The following NXN variants were observed in gnomAD, a reference collection of about 807,000 sequenced individuals.
NXN encodes nucleoredoxin.
In NXN, 16 loss-of-function variants were observed where a neutral mutation model predicts 48.6. The observed-to-expected ratio is 0.33, with a 90% CI of 0.22 to 0.50. The LOEUF is 0.50. NXN is among the 20% of genes least tolerant of loss of function. The pLI is 0.98. For synonymous variants in NXN, 281 were observed against 269.6 expected, an observed-to-expected ratio of 1.04 and a Z score of -0.41; for missense variants, 492 against 605.5, an observed-to-expected ratio of 0.81 and a Z score of 1.97.
At chr17:885,194 T>C (rs966158673) in intron 1 of NXN, among the ~76,000 whole-genome samples, 2 of 152,184 alleles carry the variant, frequency 1.3e-5, no homozygotes, top group Admixed American at 1.3e-4. Flanking sequence ...CCGGTCGCAG[T>C]GGCTCACGCC....
intron 1 of NXN, among the ~76,000 whole-genome samples, chr17:923,941 T>C (rs1238886153): frequency 2.0e-5 from 3 of 152,212 alleles, no homozygotes; most frequent in Non-Finnish European, 4.4e-5. Context: ...AACCCCACTT[T>C]TGTATTTTTT....
At chr17:924,173 T>A (rs1169815435) in intron 1 of NXN, among the ~76,000 whole-genome samples, 1 of 152,138 alleles carries the variant, frequency 6.6e-6, no homozygotes, top group Non-Finnish European at 1.5e-5. Context: ...ATCCTGCATA[T>A]CTGGGACCAC....
intron 1 of NXN, among the ~76,000 whole-genome samples, chr17:885,131 CATCATG>C (rs1281801532): frequency 1.3e-5 from 2 of 152,198 alleles, no homozygotes; most frequent in Non-Finnish European, 2.9e-5. Flanking sequence ...TGACATGTCC[CATCATG>C]ATCAGTCAAG....
chr17:828,264 C>T (rs1316857564), intron 1 of NXN, among the ~76,000 whole-genome samples: 3 of 151,754 alleles, frequency 2.0e-5, no homozygotes, highest in Non-Finnish European at 4.4e-5. Context: ...CTACCACACC[C>T]GGCTAGTTTT....
intron 7 of NXN, among the ~76,000 whole-genome samples, chr17:802,784 T>C (rs967976937): frequency 1.3e-5 from 2 of 152,000 alleles, no homozygotes; most frequent in African/African-American, 4.8e-5. Flanking sequence ...AGGTGATGAA[T>C]GGGTGGCACA....
intron 1 of NXN, among the ~76,000 whole-genome samples, chr17:835,795 G>GC (rs540801818): frequency 0.018 from 124 of 6,848 alleles, 3 homozygotes; most frequent in East Asian, 0.071. Context: ...GGATTCGTCA[G>GC]CCTCATAGAG....
At chr17:863,456 C>A (rs2068062165) in intron 1 of NXN, among the ~76,000 whole-genome samples, 1 of 151,256 alleles carries the variant, frequency 6.6e-6, no homozygotes, top group Non-Finnish European at 1.5e-5. Context: ...TGTGAGCCAC[C>A]ACGCTCAGCC....
intron 1 of NXN, among the ~76,000 whole-genome samples, chr17:850,943 C>T (rs563096694): frequency 6.6e-6 from 1 of 152,284 alleles, no homozygotes; most frequent in East Asian, 1.9e-4. Flanking sequence ...CCTTCTCCTC[C>T]AGGACAGAAA....
intron 5 of NXN, among the ~76,000 whole-genome samples, chr17:810,853 C>T (rs1416555436): frequency 6.6e-6 from 1 of 152,040 alleles, no homozygotes; most frequent in Non-Finnish European, 1.5e-5. Flanking sequence ...CTTGCCACTG[C>T]ACTCCAGCCT....
At chr17:803,557 C>A in intron 7 of NXN, 125 bp downstream of exon 7, 1 of 1,186,714 alleles carries the variant, frequency 8.4e-7, no homozygotes, top group Non-Finnish European at 1.2e-6. Flanking sequence ...TGTCTGTGGG[C>A]TCTCTCAGAA....
At chr17:877,679 T>G (rs1321220523) in intron 1 of NXN, among the ~76,000 whole-genome samples, 1 of 152,162 alleles carries the variant, frequency 6.6e-6, no homozygotes, top group Non-Finnish European at 1.5e-5. Context: ...CTTAGAACAA[T>G]GTCTGGGGCA....
At chr17:806,554 C>T (rs980488266) in intron 5 of NXN, among the ~76,000 whole-genome samples, 1 of 152,088 alleles carries the variant, frequency 6.6e-6, no homozygotes, top group Non-Finnish European at 1.5e-5. Flanking sequence ...CTTTGTCTCT[C>T]CACTGGCAGC....
At chr17:801,406 T>G (rs939638878) in intron 7 of NXN, among the ~76,000 whole-genome samples, 2 of 151,470 alleles carry the variant, frequency 1.3e-5, no homozygotes, top group Non-Finnish European at 2.9e-5. Context: ...ATCAACACCA[T>G]TTTAATACGT....
At chr17:843,002 AAGAG>A (rs796094572) in intron 1 of NXN, among the ~76,000 whole-genome samples, 15,008 of 93,396 alleles carry the variant, frequency 0.16, 829 homozygotes, top group Middle Eastern at 0.21. Flanking sequence ...GAAAGAGAGA[AAGAG>A]AGAAAGAAAG....
intron 7 of NXN, 137 bp downstream of exon 7, chr17:803,545 T>A: frequency 9.3e-7 from 1 of 1,071,786 alleles, no homozygotes; most frequent in African/African-American, 1.6e-5. Context: ...CCTTGCCACA[T>A]TTGTCTGTGG....
chr17:978,421 CA>C lies in NXN; in HGVS notation c.360+897del, dbSNP rs3214726. ...ACTGGGAGACACGAGAAGTTGACAG[CA>C]AAGTATCCATTTCCCCAAATCCTCC... is the stretch of plus-strand genomic sequence containing the variant. On this transcript the variant is annotated intron_variant, in intron 1 of 7. Transcript: ENST00000336868. This position sits in a 1 kb window ranked among gnomAD's most constrained non-coding sequence, Gnocchi z 4.1. 15,369 of 152,444 alleles carry C rather than the reference CA, an allele frequency of 0.1. 893 individuals are homozygous for C. The highest frequency in any genetic ancestry group is 0.16 in the African/African-American group (6,511 of 41,570). The allele number at this position is 152,444 out of a possible 1,614,324, so 9.4% of individuals were successfully genotyped here. A position where few individuals can be genotyped will look rare whatever the true frequency, so the allele number is the denominator to read the frequency against.
chr17:838,961 C>A (rs1024797186), intron 1 of NXN, among the ~76,000 whole-genome samples: 6 of 152,132 alleles, frequency 3.9e-5, no homozygotes, highest in African/African-American at 1.2e-4. Flanking sequence ...GTTCTGGAGC[C>A]AGGCTGCCTG....
chr17:965,660 T>C (rs2069293821), intron 1 of NXN, among the ~76,000 whole-genome samples: 1 of 152,076 alleles, frequency 6.6e-6, no homozygotes, highest in South Asian at 2.1e-4. Context: ...CCCCCAACTC[T>C]ATCCCCAGAC....
intron 1 of NXN, among the ~76,000 whole-genome samples, chr17:894,776 C>T (rs1001240883): frequency 5.9e-5 from 9 of 152,190 alleles, no homozygotes; most frequent in South Asian, 4.1e-4. Context: ...CCCAAGAAGA[C>T]GGTCCCCAGT....
Sources: gnomAD v4.1 joint callset for allele counts (sites outside exome capture counted in the v4.1 genomes callset) on GRCh38, gnomAD v4.1.1 for gene constraint, Gnocchi (gnomAD v3.1) non-coding constraint, MANE v1.5 for transcripts, NCBI Gene and HGNC (gene_info 2026-07-23, HGNC 2026-07-21) for gene names.